Variants in NALF1 observed in about 807,000 individuals in gnomAD.
The protein encoded by NALF1 is family with sequence similarity 155 member A.
In NALF1, 3 loss-of-function variants were observed where a neutral mutation model predicts 48.4. The ratio of observed to expected loss-of-function variants is 0.06; its 90% CI spans 0.03 to 0.16. The LOEUF (loss-of-function observed/expected upper bound fraction) is 0.16. NALF1 is among the 10% of genes least tolerant of loss of function. The pLI, the probability that NALF1 is intolerant of heterozygous loss-of-function variation, is 1.00. For missense variants in NALF1, 526 were observed against 571.5 expected (o/e 0.92, Z 0.81); for synonymous variants, 262 against 245.7 (o/e 1.07, Z -0.62).
In NALF1 at chr13:107,552,581, G is replaced by A. The variant is rs144569534; in HGVS notation, c.915+313101C>T. ...ATGTGTATTAACATTCTCATAAGCT[G>A]AGGATCCAGGAACACCACTTACAGG... On this transcript the variant is annotated intron_variant, in intron 1 of 2. Transcript: ENST00000375915. 1.5e-3 allele frequency among the ~76,000 whole-genome samples: 223 copies of A among 152,202 alleles called. 1 individual carries two copies. Among genetic ancestry groups the A allele is most frequent in the African/African-American group, 4.7e-3 (194 of 41,536 alleles).
chr13:107,336,788 T>C (rs775082833), intron 1 of NALF1, among the ~76,000 whole-genome samples: 1 of 152,138 alleles, frequency 6.6e-6, no homozygotes, highest in Non-Finnish European at 1.5e-5. Context: ...AATGAGTTGA[T>C]TTGAAGTGTC....
At chr13:107,373,811 T>A (rs1023824875) in intron 1 of NALF1, among the ~76,000 whole-genome samples, 2 of 152,176 alleles carry the variant, frequency 1.3e-5, no homozygotes, top group African/African-American at 2.4e-5. Context: ...TTTCAATGTA[T>A]AAAGGCCAAA....
At chr13:107,464,684 C>T (rs1012999316) in intron 1 of NALF1, among the ~76,000 whole-genome samples, 10 of 151,998 alleles carry the variant, frequency 6.6e-5, no homozygotes, top group Non-Finnish European at 1.2e-4. Context: ...CTACGCCTGG[C>T]AAATTTTGTA....
At chr13:107,787,004 C>T (rs1878095371) in intron 1 of NALF1, among the ~76,000 whole-genome samples, 1 of 152,116 alleles carries the variant, frequency 6.6e-6, no homozygotes, top group Non-Finnish European at 1.5e-5. Flanking sequence ...GATTCATACC[C>T]TGAGTGGTAG....
At chr13:107,431,501 T>G (rs1429596743) in intron 1 of NALF1, among the ~76,000 whole-genome samples, 1 of 152,220 alleles carries the variant, frequency 6.6e-6, no homozygotes, top group African/African-American at 2.4e-5. Flanking sequence ...TAGCATAACT[T>G]GAATTGAATG....
intron 1 of NALF1, among the ~76,000 whole-genome samples, chr13:107,559,694 C>T (rs1877587497): frequency 6.6e-6 from 1 of 152,184 alleles, no homozygotes; most frequent in Non-Finnish European, 1.5e-5. Context: ...TCAGCATCAG[C>T]ATCAAACCTT....
chr13:107,631,692 G>C (rs920997702), intron 1 of NALF1, among the ~76,000 whole-genome samples: 2 of 152,028 alleles, frequency 1.3e-5, no homozygotes, highest in Non-Finnish European at 2.9e-5. Flanking sequence ...GGCTTGCCGA[G>C]ACCTCAAGCA....
chr13:107,533,867 G>C (rs1225444112), intron 1 of NALF1, among the ~76,000 whole-genome samples: 2 of 152,002 alleles, frequency 1.3e-5, no homozygotes, highest in Non-Finnish European at 2.9e-5. Flanking sequence ...ATTGAACATA[G>C]GTAAAATCAG....
At chr13:107,569,468 T>C (rs1179979529) in intron 1 of NALF1, among the ~76,000 whole-genome samples, 3 of 151,202 alleles carry the variant, frequency 2.0e-5, no homozygotes, top group African/African-American at 7.3e-5. Context: ...CGAGACTCCG[T>C]CTCAAAAAAA....
rs550869897 is a variant in NALF1, at chr13:107,222,030, A to C, written c.916-11275T>G. 7.2e-5 allele frequency among the ~76,000 whole-genome samples: 11 copies of C among 152,322 alleles called. No individual in the cohort carries two copies. In the South Asian group the frequency reaches 2.3e-3, roughly 32 times the overall value. ...AACTGTTATGTGCGTTTTGCTTTAG[A>C]GTGAAAGATTTTAAAGATGGCAAAG... On this transcript the variant is annotated intron_variant, in intron 1 of 2. Transcript: ENST00000375915.
chr13:107,188,889 T>C (rs142150022), intron 2 of NALF1, among the ~76,000 whole-genome samples: 1 of 152,004 alleles, frequency 6.6e-6, no homozygotes, highest in African/African-American at 2.4e-5. Context: ...AGCCTAAGAG[T>C]AAAATGTAAT....
intron 1 of NALF1, among the ~76,000 whole-genome samples, chr13:107,384,408 G>A (rs1481179004): frequency 6.6e-6 from 1 of 152,100 alleles, no homozygotes; most frequent in East Asian, 1.9e-4. Context: ...TGCAAGTTTA[G>A]TAACAAAGCT....
chr13:107,244,625 G>T (rs1219716088), intron 1 of NALF1, among the ~76,000 whole-genome samples: 2 of 152,004 alleles, frequency 1.3e-5, no homozygotes, highest in Non-Finnish European at 2.9e-5. Context: ...CCTCCCTTTA[G>T]TCTGAGTAGT....
At chr13:107,567,764 C>T (rs570391431) in intron 1 of NALF1, among the ~76,000 whole-genome samples, 2 of 152,098 alleles carry the variant, frequency 1.3e-5, no homozygotes, top group Non-Finnish European at 1.5e-5. Flanking sequence ...CCTAAAATTA[C>T]CCCTTTATAG....
At chr13:107,443,028 AT>A (rs1336873529) in intron 1 of NALF1, among the ~76,000 whole-genome samples, 1 of 152,238 alleles carries the variant, frequency 6.6e-6, no homozygotes, top group Non-Finnish European at 1.5e-5. Context: ...TGGATGCATT[AT>A]AATAATTCAT....
chr13:107,823,109 C>T (rs1879405943), intron 1 of NALF1, among the ~76,000 whole-genome samples: 1 of 152,180 alleles, frequency 6.6e-6, no homozygotes. Flanking sequence ...GTTCAATTTA[C>T]CCTAATTTCC....
At chr13:107,827,524 T>C (rs1045562725) in intron 1 of NALF1, among the ~76,000 whole-genome samples, 9 of 152,208 alleles carry the variant, frequency 5.9e-5, no homozygotes, top group Non-Finnish European at 1.2e-4. Context: ...CATCCCAACA[T>C]GGGTCTGGCC....
chr13:107,281,756 G>A (rs1424004492), intron 1 of NALF1, among the ~76,000 whole-genome samples: 1 of 152,166 alleles, frequency 6.6e-6, no homozygotes, highest in Non-Finnish European at 1.5e-5. Flanking sequence ...GAAGCCTCAG[G>A]AAACTTACAA....
At chr13:107,314,819 C>T (rs1330752527) in intron 1 of NALF1, among the ~76,000 whole-genome samples, 2 of 152,132 alleles carry the variant, frequency 1.3e-5, no homozygotes, top group Non-Finnish European at 2.9e-5. Context: ...TTAGTAGGCA[C>T]TTGAGAAGAT....
Sources: allele counts gnomAD v4.1 joint callset (sites outside exome capture counted in the v4.1 genomes callset), GRCh38; gene constraint gnomAD v4.1.1; transcripts MANE v1.5; gene names NCBI Gene and HGNC (gene_info 2026-07-23, HGNC 2026-07-21).